Variants in AGFG1 observed in about 807,000 individuals in gnomAD.
The protein encoded by AGFG1 is ArfGAP with FG repeats 1.
AGFG1 carries 10 observed loss-of-function variants against 60.6 expected under a neutral mutation model. That is an observed-to-expected ratio of 0.16 (90% CI 0.10 to 0.28). AGFG1 has a LOEUF of 0.28. Ranked by LOEUF, AGFG1 falls within the 10% of genes least tolerant of loss-of-function variation. The pLI is 1.00. For missense variants in AGFG1, 537 were observed against 676.5 expected (o/e 0.79, Z 2.29); for synonymous variants, 247 against 242.9 (o/e 1.02, Z -0.16).
At chr2:227,491,675 C>G in intron 2 of AGFG1, 35 bp downstream of exon 2, 2 of 1,315,956 alleles carry the variant, frequency 1.5e-6, no homozygotes. Flanking sequence ...CAATTTTTGA[C>G]TTTTTTGTTG....
At chr2:227,552,740 G>A (rs113058438) in intron 11 of AGFG1, among the ~76,000 whole-genome samples, 64 of 149,838 alleles carry the variant, frequency 4.3e-4, no homozygotes, top group Middle Eastern at 3.4e-3. Flanking sequence ...GGTGGCTTAC[G>A]CCTGTAATCC....
chr2:227,497,723 C>CTTG lies in AGFG1; in HGVS notation c.261+6085_261+6086insGTT, dbSNP rs1559173411. Among the ~76,000 whole-genome samples, 16 of 80,270 alleles carry CTTG rather than the reference C, an allele frequency of 2.0e-4. 1 individual carries two copies. The highest frequency in any genetic ancestry group is 1.2e-3 in the South Asian group (3 of 2,542). 52.7% of individuals were successfully genotyped at this position (80,270 alleles called of 152,430 possible). ...CAAGCATATATAGCCAAATGAGTTT[C>CTTG]TTTCTTGTTTTGTTTTTTTTTTTTT... is the stretch of plus-strand genomic sequence containing the variant. On this transcript the variant is annotated intron_variant, in intron 2 of 12. Transcript: ENST00000310078.
rs1693122862 is a variant in AGFG1, at chr2:227,561,068, T to C, written c.*6573T>C. ...CCAATTTTAGTTCAGGAGGTGGTTT[T>C]AAATATTGGATGAAAACTTACAGGC... On this transcript the variant is annotated 3_prime_UTR_variant, in exon 13 of 13. Coordinates refer to ENST00000310078, the MANE Select transcript of AGFG1 (RefSeq NM_004504.5). 1 of 152,184 alleles carries C rather than the reference T, an allele frequency of 6.6e-6. No individual in the cohort carries two copies. Among genetic ancestry groups the C allele is most frequent in the Admixed American group, 6.5e-5 (1 of 15,272 alleles). 9.4% of individuals were successfully genotyped at this position (152,184 alleles called of 1,614,324 possible). A position where few individuals can be genotyped will look rare whatever the true frequency, so the allele number is the denominator to read the frequency against.
intron 1 of AGFG1, among the ~76,000 whole-genome samples, chr2:227,475,107 T>C (rs528527801): frequency 4.5e-4 from 68 of 152,324 alleles, no homozygotes; most frequent in African/African-American, 1.3e-3. Flanking sequence ...AATCTGTCAC[T>C]TTGGATTTTA....
At chr2:227,474,018 G>A (rs1048705180) in intron 1 of AGFG1, among the ~76,000 whole-genome samples, 1 of 152,192 alleles carries the variant, frequency 6.6e-6, no homozygotes, top group African/African-American at 2.4e-5. Context: ...TTGTTTGATA[G>A]GAGAGTGCTC....
chr2:227,503,628 A>G (rs910364559), intron 2 of AGFG1, among the ~76,000 whole-genome samples: 10 of 152,194 alleles, frequency 6.6e-5, no homozygotes, highest in African/African-American at 1.9e-4. Context: ...TTGATGACTC[A>G]GTCACCTTTG....
intron 2 of AGFG1, among the ~76,000 whole-genome samples, chr2:227,498,901 G>T (rs1398778528): frequency 6.6e-6 from 1 of 151,992 alleles, no homozygotes; most frequent in African/African-American, 2.4e-5. Flanking sequence ...TTGCCATTGT[G>T]TGTTATCTTC....
At chr2:227,506,835 C>T (rs1160157634) in intron 2 of AGFG1, among the ~76,000 whole-genome samples, 1 of 152,050 alleles carries the variant, frequency 6.6e-6, no homozygotes, top group Non-Finnish European at 1.5e-5. Flanking sequence ...TCATTTATTC[C>T]ACCTTCTGGA....
chr2:227,553,683 T>C (rs776711386), intron 11 of AGFG1, 21 bp from the exon 12 acceptor site: 2 of 1,593,030 alleles, frequency 1.3e-6, no homozygotes, highest in South Asian at 2.2e-5. Flanking sequence ...GGGTTATAAT[T>C]GGTGGTTCTA....
chr2:227,515,527 C>T (rs895038245), intron 2 of AGFG1, among the ~76,000 whole-genome samples: 14 of 152,106 alleles, frequency 9.2e-5, no homozygotes, highest in African/African-American at 3.4e-4. Context: ...TATCCGTCTT[C>T]CTCCTGATGT....
At position 227,523,701 on chromosome 2, in the gene AGFG1, T is replaced by C. The variant is rs997222258; in HGVS notation, c.378-62T>C. Reference sequence around the variant, plus strand: ...TTGTACAAAGTTAGAATTAAGCTTATCATTTTTTGATATAGAATTACCTAC... The same window carrying C: ...TTGTACAAAGTTAGAATTAAGCTTACCATTTTTTGATATAGAATTACCTAC... On this transcript the variant is annotated intron_variant, in intron 3 of 12. Coordinates refer to ENST00000310078, the MANE Select transcript of AGFG1 (RefSeq NM_004504.5). 4.7e-6 allele frequency: 7 copies of C among 1,483,806 alleles called. No homozygotes were observed. In the African/African-American group the frequency reaches 9.8e-5, roughly 21 times the overall value. 91.9% of individuals were successfully genotyped at this position (1,483,806 alleles called of 1,614,324 possible).
intron 6 of AGFG1, chr2:227,532,102 T>C: frequency 6.7e-7 from 1 of 1,492,730 alleles, no homozygotes; most frequent in Non-Finnish European, 9.0e-7. Flanking sequence ...GTTTTTTCTT[T>C]AACTTTCATC....
chr2:227,552,245 A>G, intron 11 of AGFG1, 128 bp downstream of exon 11: 1 of 1,145,186 alleles, frequency 8.7e-7, no homozygotes, highest in Non-Finnish European at 1.2e-6. Flanking sequence ...TGTTTACACA[A>G]AAATAAAAGC....
At chr2:227,512,102 G>A (rs1200417079) in intron 2 of AGFG1, among the ~76,000 whole-genome samples, 1 of 152,082 alleles carries the variant, frequency 6.6e-6, no homozygotes, top group Non-Finnish European at 1.5e-5. Context: ...ATTTCATATC[G>A]CCTAAGTCTG....
chr2:227,543,867 A>G (rs568913430), intron 10 of AGFG1, among the ~76,000 whole-genome samples: 272 of 152,288 alleles, frequency 1.8e-3, no homozygotes, highest in Non-Finnish European at 3.4e-3. Flanking sequence ...TATTTAGGAT[A>G]GTTAGCTCTT....
rs189861506 is a variant in AGFG1, at chr2:227,504,975, T to C, written c.261+13335T>C. Among the ~76,000 whole-genome samples the C allele has an allele frequency of 7.9e-5, 12 of 152,344 alleles. No individual in the cohort carries two copies. The East Asian group carries it at 1.5e-3, about 20-fold the overall frequency. ...ATTGATGGTGTTTAGATGTTGTGGA[T>C]CCACGTTACTGATTTCGTCTAGTTA... On this transcript the variant is annotated intron_variant, in intron 2 of 12. Transcript: ENST00000310078.
At chr2:227,474,194 A>C (rs952776774) in intron 1 of AGFG1, among the ~76,000 whole-genome samples, 11 of 152,216 alleles carry the variant, frequency 7.2e-5, no homozygotes, top group Non-Finnish European at 1.6e-4. Context: ...GTTGTTACTT[A>C]CGTTGGACAA....
At chr2:227,542,195 A>G (rs1413137951) in intron 10 of AGFG1, among the ~76,000 whole-genome samples, 2 of 152,094 alleles carry the variant, frequency 1.3e-5, no homozygotes, top group African/African-American at 4.8e-5. Flanking sequence ...TTCCAACACT[A>G]TGTTGAATAG....
At chr2:227,547,687 A>C (rs1016221061) in intron 10 of AGFG1, among the ~76,000 whole-genome samples, 2 of 152,230 alleles carry the variant, frequency 1.3e-5, no homozygotes, top group Admixed American at 6.5e-5. Context: ...AAGAAAAGAC[A>C]GTGATGAACA....
Sources: allele counts gnomAD v4.1 joint callset (sites outside exome capture counted in the v4.1 genomes callset), GRCh38; gene constraint gnomAD v4.1.1; transcripts MANE v1.5; gene names NCBI Gene and HGNC (gene_info 2026-07-23, HGNC 2026-07-21).